GAD1: variants seen among roughly 807,000 people sequenced by gnomAD.
GAD1 encodes the protein glutamate decarboxylase 1.
A neutral mutation model predicts 75.2 loss-of-function variants in GAD1; 35 were observed. That is an observed-to-expected ratio of 0.47 (90% CI 0.36 to 0.62). The LOEUF (loss-of-function observed/expected upper bound fraction) is 0.62. Among genes scored for constraint, GAD1 ranks in the 20% least tolerant of loss-of-function variants. The pLI, the probability that GAD1 is intolerant of heterozygous loss-of-function variation, is 0.00. For missense variants in GAD1, 490 were observed against 758.5 expected (o/e 0.65, Z 4.16); for synonymous variants, 257 against 271.9 (o/e 0.95, Z 0.54).
rs191940314 is a variant in GAD1, at chr2:170,830,970, G to A, written c.325G>A (p.Gly109Ser). ...TTCAGATCTGCTTCCGGCTAAGAAC[G>A]GTGAGGAGCAAACCGTGCAATTCCT... ...FARDLLPAKN[G>S]EEQTVQFLLE... is the part of the protein sequence containing the mutation. The change falls in exon 5 of 17, where the codon GGT becomes AGT. Residue 109 changes from glycine to serine, a missense_variant. By Grantham distance (56) the Gly-to-Ser change is moderately conservative. Transcript: ENST00000358196. 1.3e-5 allele frequency: 21 copies of A among 1,614,118 alleles called. No homozygotes were observed. The highest frequency in any genetic ancestry group is 8.0e-5 in the African/African-American group (6 of 75,006).
chr2:170,822,261 T>G (rs1255855092), intron 3 of GAD1, 112 bp downstream of exon 3: 5 of 911,556 alleles, frequency 5.5e-6, no homozygotes, highest in South Asian at 4.2e-5. Context: ...GGTCTGATTT[T>G]CTAATGTAAT....
chr2:170,817,381 C>T (rs2105746801), intron 1 of GAD1: 1 of 152,408 alleles, frequency 6.6e-6, no homozygotes, highest in South Asian at 2.1e-4. Flanking sequence ...CCAAAGGGCG[C>T]CTGGGCAGCA....
chr2:170,856,843 C>T (rs569297529), intron 14 of GAD1, among the ~76,000 whole-genome samples, 175 bp from the exon 15 acceptor site: 4 of 152,190 alleles, frequency 2.6e-5, no homozygotes, highest in Non-Finnish European at 4.4e-5. Context: ...AGGCACACAT[C>T]ATTTATTGCA....
chr2:170,818,443 G>C lies in GAD1; in HGVS notation c.-63-86G>C, dbSNP rs1014758035. On this transcript the variant is annotated intron_variant, in intron 1 of 16. Transcript: ENST00000358196. The surrounding 1 kb of genome is among the most constrained non-coding windows in gnomAD (Gnocchi z 5.9). Reference sequence around the variant, plus strand: ...CTCTCCAGAGCCGGATCTTCAAGGGGAGCCTCCGTGCCCCCGGCTGCTCAG... The same window carrying C: ...CTCTCCAGAGCCGGATCTTCAAGGGCAGCCTCCGTGCCCCCGGCTGCTCAG... 1 of 755,484 alleles carries C rather than the reference G, an allele frequency of 1.3e-6. No individual in the cohort carries two copies. The highest frequency in any genetic ancestry group is 2.4e-6 in the Non-Finnish European group (1 of 416,598). 46.8% of individuals were successfully genotyped at this position (755,484 alleles called of 1,614,324 possible).
At chr2:170,844,574 G>A (rs1002232235) in intron 7 of GAD1, among the ~76,000 whole-genome samples, 9 of 151,762 alleles carry the variant, frequency 5.9e-5, no homozygotes, top group East Asian at 1.9e-4. Flanking sequence ...ATGCCCAGCC[G>A]TTTTAAAATT....
chr2:170,852,200 A>G (rs537981301), intron 12 of GAD1, among the ~76,000 whole-genome samples: 1 of 152,350 alleles, frequency 6.6e-6, no homozygotes, highest in South Asian at 2.1e-4. Context: ...AACAGAGGTA[A>G]TAATAGTACC....
At position 170,817,122 on chromosome 2, in the gene GAD1, G is replaced by A. The variant is rs148973422; in HGVS notation, c.-64+74G>A. The A allele has an allele frequency of 2.0e-3, 297 of 151,672 alleles. 1 individual carries two copies. The highest frequency in any genetic ancestry group is 3.4e-3 in the Middle Eastern group (1 of 292). The allele number at this position is 151,672 out of a possible 1,614,324, so 9.4% of individuals were successfully genotyped here. A position where few individuals can be genotyped will look rare whatever the true frequency, so the allele number is the denominator to read the frequency against. On this transcript the variant is annotated intron_variant, in intron 1 of 16. Coordinates refer to ENST00000358196, the MANE Select transcript of GAD1 (RefSeq NM_000817.3). ...TTTCAGCCAGGTCCTCTCCTCCCGC[G>A]GCTTCTCAACCAACCCCATCCCAGC... is the stretch of plus-strand genomic sequence containing the variant.
chr2:170,842,519 T>C, intron 6 of GAD1: 1 of 1,555,106 alleles, frequency 6.4e-7, no homozygotes. Context: ...TTGGTACACT[T>C]GGCAGCACAG....
chr2:170,845,240 C>T, intron 7 of GAD1: 6 of 526,994 alleles, frequency 1.1e-5, no homozygotes, highest in Non-Finnish European at 1.7e-5. Flanking sequence ...TCTGTCTAGA[C>T]TTCAGGTGGA....
Position 170,818,516 on chromosome 2 carries a change from C to A in GAD1, c.-63-13C>A. 7.2e-7 allele frequency: 1 copy of A among 1,386,610 alleles called. No individual in the cohort carries two copies. The highest frequency in any genetic ancestry group is 1.2e-5 in the South Asian group (1 of 86,546). 85.9% of individuals were successfully genotyped at this position (1,386,610 alleles called of 1,614,324 possible). ...GGAAGTCCTCCCCGCACAGCTCTCG[C>A]TTCTCTTTGCAGCCTGTTTCTGCGC... On this transcript the variant is annotated splice_polypyrimidine_tract_variant and intron_variant, in intron 1 of 16. Transcript: ENST00000358196. The surrounding 1 kb of genome is among the most constrained non-coding windows in gnomAD (Gnocchi z 5.9).
chr2:170,829,489 AC>A lies in GAD1; in HGVS notation c.162del (p.Asn55ThrfsTer10). ...GLKICGFLQR[T>X]NSLEEKSRLV... is the part of the protein sequence containing the mutation. The stretch of plus-strand genomic sequence containing the variant: ...TTGTGCCATAGGCTTCTTGCAAAGG[AC>A]CAACAGCCTGGAAGAGAAGAGTCGC... On this transcript the variant is annotated frameshift_variant, in exon 4 of 17. Coordinates refer to ENST00000358196, the MANE Select transcript of GAD1 (RefSeq NM_000817.3). LOFTEE classifies it high-confidence loss of function. 6.2e-7 allele frequency: 1 copy of A among 1,613,220 alleles called. No individual in the cohort carries two copies. The highest frequency in any genetic ancestry group is 1.1e-5 in the South Asian group (1 of 91,038).
Position 170,849,343 on chromosome 2 carries a change from A to G in GAD1, c.1177A>G (p.Ile393Val), listed in dbSNP as rs767301761. The change falls in exon 12 of 17, where the codon ATA becomes GTA. Residue 393 changes from isoleucine (I) to valine (V), a missense_variant. Around this residue, in one of 3 missense-constraint regions of GAD1, gnomAD observed 324 missense variants for 523.9 expected, o/e 0.62. Coordinates refer to ENST00000358196, the MANE Select transcript of GAD1 (RefSeq NM_000817.3). Reference protein sequence around the residue: ...SRKHRHKLNGIERANSVTWNP... With the variant: ...SRKHRHKLNGVERANSVTWNP... Reference sequence around the variant, plus strand: ...GAAGCACCGCCATAAACTCAACGGCATAGAAAGGTAACGGCCAGAACTCGC... The same window carrying G: ...GAAGCACCGCCATAAACTCAACGGCGTAGAAAGGTAACGGCCAGAACTCGC... 9.9e-6 allele frequency: 16 copies of G among 1,614,054 alleles called. No individual in the cohort carries two copies. The African/African-American group carries it at 1.9e-4, about 19-fold the overall frequency.
At chr2:170,821,910 T>G (rs1701891668) in intron 2 of GAD1, 177 bp from the exon 3 acceptor site, 1 of 646,346 alleles carries the variant, frequency 1.5e-6, no homozygotes, top group African/African-American at 1.8e-5. Context: ...TGATGGGGGC[T>G]TAGAGTATAT....
intron 5 of GAD1, 42 bp downstream of exon 5, chr2:170,831,234 C>T (rs1174895586): frequency 6.2e-7 from 1 of 1,608,314 alleles, no homozygotes; most frequent in Non-Finnish European, 8.5e-7. Context: ...GCAACTTTGC[C>T]CTCCATCTCA....
chr2:170,818,310 G>A lies in GAD1; in HGVS notation c.-63-219G>A, dbSNP rs1011866040. 1.3e-5 allele frequency: 7 copies of A among 522,842 alleles called. No individual in the cohort carries two copies. Among genetic ancestry groups the A allele is most frequent in the Non-Finnish European group, 2.4e-5 (7 of 287,902 alleles). 32.4% of individuals were successfully genotyped at this position (522,842 alleles called of 1,614,324 possible). A position where few individuals can be genotyped will look rare whatever the true frequency, so the allele number is the denominator to read the frequency against. On this transcript the variant is annotated intron_variant, in intron 1 of 16. Transcript: ENST00000358196. This position sits in a 1 kb window ranked among gnomAD's most constrained non-coding sequence, Gnocchi z 5.9. ...CCGCCAGACTCGAGAGCGGCCCAGG[G>A]CTACGCTCCCTGCGCCCCAGTACCG...
At chr2:170,851,453 A>G (rs1702741935) in intron 12 of GAD1, among the ~76,000 whole-genome samples, 2 of 152,196 alleles carry the variant, frequency 1.3e-5, no homozygotes, top group Admixed American at 6.5e-5. Context: ...TTTATTATAC[A>G]CTGAAGGGAA....
At chr2:170,840,613 G>A (rs1487638572) in intron 6 of GAD1, among the ~76,000 whole-genome samples, 3 of 145,326 alleles carry the variant, frequency 2.1e-5, no homozygotes, top group African/African-American at 7.7e-5. Context: ...GAAAGGAAGG[G>A]AGGGAGGGAG....
intron 2 of GAD1, among the ~76,000 whole-genome samples, chr2:170,820,299 C>G (rs1213595137): frequency 6.6e-6 from 1 of 152,194 alleles, no homozygotes; most frequent in Non-Finnish European, 1.5e-5. Flanking sequence ...ACAACAGAGG[C>G]GATGACCTGA....
intron 7 of GAD1, 160 bp from the exon 8 acceptor site, chr2:170,845,346 G>A: frequency 1.4e-6 from 1 of 706,662 alleles, no homozygotes; most frequent in Non-Finnish European, 2.6e-6. Context: ...AAAGGGTCCA[G>A]TGGGAAGCCC....
Sources: allele counts gnomAD v4.1 joint callset (sites outside exome capture counted in the v4.1 genomes callset), GRCh38; gene constraint gnomAD v4.1.1; regional missense constraint gnomAD v4.1.1; non-coding constraint Gnocchi (gnomAD v3.1); transcripts MANE v1.5; gene names NCBI Gene and HGNC (gene_info 2026-07-23, HGNC 2026-07-21).